The following DLC1 variants were observed in gnomAD, a reference collection of about 807,000 sequenced individuals.
DLC1 encodes rho GTPase-activating protein 7.
A neutral mutation model predicts 140.3 loss-of-function variants in DLC1; 54 were observed. That is an observed-to-expected ratio of 0.38 (90% CI 0.31 to 0.48). The LOEUF (loss-of-function observed/expected upper bound fraction) is 0.48. DLC1 is among the 20% of genes least tolerant of loss of function. The pLI is 0.96. For missense variants in DLC1, 2,536 were observed against 1,907.0 expected, an observed-to-expected ratio of 1.33 and a Z score of -6.14; for synonymous variants, 986 against 728.1, an observed-to-expected ratio of 1.35 and a Z score of -5.70.
At chr8:13,506,986 A>G (rs762208729) in intron 1 of DLC1, among the ~76,000 whole-genome samples, 4 of 152,092 alleles carry the variant, frequency 2.6e-5, no homozygotes, top group Non-Finnish European at 5.9e-5. Flanking sequence ...ATGTGCCCCC[A>G]AAACACTTAC....
chr8:13,186,326 T>A (rs555022310), intron 5 of DLC1, among the ~76,000 whole-genome samples: 2 of 152,188 alleles, frequency 1.3e-5, no homozygotes, highest in Non-Finnish European at 2.9e-5. Context: ...GTCTCATATT[T>A]CTTGGAGGCT....
intron 4 of DLC1, among the ~76,000 whole-genome samples, chr8:13,348,925 G>A (rs1464011316): frequency 1.3e-5 from 2 of 152,102 alleles, no homozygotes; most frequent in Non-Finnish European, 2.9e-5. Context: ...TCTTTGAGCT[G>A]GAAAACGGAA....
chr8:13,224,796 G>T lies in DLC1; in HGVS notation c.1348+80473C>A, dbSNP rs906254899. On this transcript the variant is annotated intron_variant, in intron 5 of 17. Transcript: ENST00000276297. The stretch of plus-strand genomic sequence containing the variant: ...GCGCCTACAGATTTTTTCTCTTCCT[G>T]CTTCTTCACTGTAGTTACTCCTCCC... Among the ~76,000 whole-genome samples the T allele has an allele frequency of 2.0e-5, 3 of 152,168 alleles. No individual in the cohort carries two copies. In the East Asian group the frequency reaches 5.8e-4, roughly 29 times the overall value.
chr8:13,249,751 A>T (rs145524025), intron 5 of DLC1, among the ~76,000 whole-genome samples: 4,733 of 152,318 alleles, frequency 0.031, 136 homozygotes, highest in African/African-American at 0.072. Flanking sequence ...CACAAGAACA[A>T]CAATGAACAG....
chr8:13,178,301 G>A (rs539282459), intron 5 of DLC1, among the ~76,000 whole-genome samples: 3 of 152,212 alleles, frequency 2.0e-5, no homozygotes, highest in Admixed American at 6.5e-5. Flanking sequence ...GGTGGCTCAC[G>A]CCTGTAATCC....
intron 5 of DLC1, among the ~76,000 whole-genome samples, chr8:13,142,461 G>A (rs1456799335): frequency 6.6e-6 from 1 of 152,118 alleles, no homozygotes; most frequent in Non-Finnish European, 1.5e-5. Flanking sequence ...AGAAAAGTCT[G>A]CTAAATTTCA....
At position 13,180,887 on chromosome 8, in the gene DLC1, G is replaced by A. The variant is rs998670179; in HGVS notation, c.1349-65230C>T. On this transcript the variant is annotated intron_variant, in intron 5 of 17. Transcript: ENST00000276297. The stretch of plus-strand genomic sequence containing the variant: ...TTACTATCAGACATAAAGTATATAT[G>A]AGAATCAATTTTTAATTTTTATTTT... Among the ~76,000 whole-genome samples, 15 of 152,094 alleles carry A rather than the reference G, an allele frequency of 9.9e-5. 1 individual carries two copies. The highest frequency in any genetic ancestry group is 4.1e-4 in the South Asian group (2 of 4,834).
At chr8:13,582,878 C>CCATATAAATA (rs1461616416) in intron 1 of DLC1, among the ~76,000 whole-genome samples, 3 of 103,094 alleles carry the variant, frequency 2.9e-5, no homozygotes, top group Middle Eastern at 5.1e-3. Flanking sequence ...ATACTGTGGT[C>CCATATAAATA]TATATATATA....
chr8:13,206,650 G>A (rs1190030312), intron 5 of DLC1, among the ~76,000 whole-genome samples: 1 of 152,026 alleles, frequency 6.6e-6, no homozygotes, highest in African/African-American at 2.4e-5. Context: ...AGCTATTTTA[G>A]CAAAAAGTTA....
intron 5 of DLC1, among the ~76,000 whole-genome samples, chr8:13,294,567 A>C (rs908681529): frequency 1.3e-5 from 2 of 152,172 alleles, no homozygotes; most frequent in African/African-American, 4.8e-5. Flanking sequence ...AGGAGGAGCA[A>C]AGGTCAAGTT....
In DLC1 at chr8:13,421,150, A is replaced by G. The variant is rs547897792; in HGVS notation, c.1024-19531T>C. Among the ~76,000 whole-genome samples the G allele has an allele frequency of 4.2e-3, 637 of 152,324 alleles. 6 individuals are homozygous for G. The highest frequency in any genetic ancestry group is 0.015 in the African/African-American group (615 of 41,578). ...TAAGTTTTCCAAAACTCGATGACAG[A>G]TCCAGAATACATGTCATTTATTTTT... On this transcript the variant is annotated intron_variant, in intron 2 of 17. Coordinates refer to ENST00000276297, the MANE Select transcript of DLC1 (RefSeq NM_182643.3).
chr8:13,111,789 T>C (rs573565890), intron 6 of DLC1, among the ~76,000 whole-genome samples: 1 of 152,046 alleles, frequency 6.6e-6, no homozygotes, highest in African/African-American at 2.4e-5. Context: ...GGGTAACCCT[T>C]TGGACCAGAC....
chr8:13,139,194 G>T (rs1822785613), intron 5 of DLC1, among the ~76,000 whole-genome samples: 2 of 146,800 alleles, frequency 1.4e-5, no homozygotes, highest in African/African-American at 5.0e-5. Flanking sequence ...GGAGGCTGAG[G>T]AAGGAGGATT....
chr8:13,458,210 C>T (rs1254715082), intron 2 of DLC1, among the ~76,000 whole-genome samples: 1 of 152,070 alleles, frequency 6.6e-6, no homozygotes, highest in Non-Finnish European at 1.5e-5. Flanking sequence ...TTAATTCTAG[C>T]CAAAATTTGA....
At chr8:13,130,318 A>G (rs1291809376) in intron 5 of DLC1, among the ~76,000 whole-genome samples, 1 of 152,198 alleles carries the variant, frequency 6.6e-6, no homozygotes, top group African/African-American at 2.4e-5. Flanking sequence ...TAATAGTTCT[A>G]CAAATAAGAG....
intron 2 of DLC1, among the ~76,000 whole-genome samples, chr8:13,419,830 A>C (rs1838233369): frequency 6.6e-6 from 1 of 152,144 alleles, no homozygotes; most frequent in South Asian, 2.1e-4. Context: ...TCGGCTGTGA[A>C]TCCATCTGGT....
rs75921040 is a variant in DLC1, at chr8:13,424,937, A to G, written c.1024-23318T>C. ...TGCTTAGTACATAATGTACCAATGC[A>G]TATGGAATATAAATGGCTATAAATA... On this transcript the variant is annotated intron_variant, in intron 2 of 17. Coordinates refer to ENST00000276297, the MANE Select transcript of DLC1 (RefSeq NM_182643.3). Among the ~76,000 whole-genome samples the G allele has an allele frequency of 4.2e-3, 633 of 152,324 alleles. 2 individuals are homozygous for G. Among genetic ancestry groups the G allele is most frequent in the African/African-American group, 0.015 (608 of 41,576 alleles).
intron 2 of DLC1, among the ~76,000 whole-genome samples, chr8:13,425,708 T>A (rs1838543010): frequency 6.6e-6 from 1 of 152,170 alleles, no homozygotes; most frequent in Non-Finnish European, 1.5e-5. Flanking sequence ...CTGATTGTAG[T>A]TTAATGTATA....
At chr8:13,238,010 C>T (rs1829370728) in intron 5 of DLC1, among the ~76,000 whole-genome samples, 1 of 152,172 alleles carries the variant, frequency 6.6e-6, no homozygotes, top group African/African-American at 2.4e-5. Flanking sequence ...GCCATCCTAA[C>T]ATCCTTTGGA....
Sources: allele counts gnomAD v4.1 joint callset (sites outside exome capture counted in the v4.1 genomes callset), GRCh38; gene constraint gnomAD v4.1.1; transcripts MANE v1.5; gene names NCBI Gene and HGNC (gene_info 2026-07-23, HGNC 2026-07-21).